The following DGKB variants were observed in gnomAD, a reference collection of about 807,000 sequenced individuals.
DGKB encodes the protein 90 kDa diacylglycerol kinase.
Under a neutral mutation model 114.3 loss-of-function variants are expected in DGKB, and 67 were observed. The observed-to-expected ratio is 0.59, with a 90% CI of 0.48 to 0.72. The LOEUF (loss-of-function observed/expected upper bound fraction) is 0.72. DGKB is among the 30% of genes least tolerant of loss of function. DGKB has a pLI of 0.00. For missense variants in DGKB, 907 were observed against 975.2 expected, an observed-to-expected ratio of 0.93 and a Z score of 0.93; for synonymous variants, 398 against 323.1, an observed-to-expected ratio of 1.23 and a Z score of -2.49.
chr7:14,865,169 T>C (rs1851529027), intron 1 of DGKB, among the ~76,000 whole-genome samples: 1 of 152,160 alleles, frequency 6.6e-6, no homozygotes, highest in Non-Finnish European at 1.5e-5. Flanking sequence ...AACAGACTTG[T>C]GTTAGGGTTA....
At chr7:14,568,709 C>T (rs1797950371) in intron 20 of DGKB, among the ~76,000 whole-genome samples, 1 of 152,130 alleles carries the variant, frequency 6.6e-6, no homozygotes, top group African/African-American at 2.4e-5. Flanking sequence ...CTGAATAATA[C>T]AAAGGGTCTA....
At chr7:14,615,940 A>G (rs1446681945) in intron 15 of DGKB, among the ~76,000 whole-genome samples, 1 of 151,538 alleles carries the variant, frequency 6.6e-6, no homozygotes, top group Non-Finnish European at 1.5e-5. Flanking sequence ...TAGTTTTCTT[A>G]GTTTCTGAAA....
chr7:14,373,423 C>T (rs529479665), intron 21 of DGKB, among the ~76,000 whole-genome samples: 1 of 152,170 alleles, frequency 6.6e-6, no homozygotes, highest in Admixed American at 6.5e-5. Context: ...CAGAAAGATG[C>T]CATCATAAAG....
intron 1 of DGKB, among the ~76,000 whole-genome samples, chr7:14,859,291 G>C (rs962461722): frequency 6.6e-6 from 1 of 152,112 alleles, no homozygotes; most frequent in Admixed American, 6.6e-5. Context: ...AAGGTAAAAA[G>C]GGAGGCAGAG....
chr7:14,335,493 A>G (rs922529776), intron 23 of DGKB, among the ~76,000 whole-genome samples: 3 of 152,158 alleles, frequency 2.0e-5, no homozygotes, highest in African/African-American at 7.2e-5. Context: ...ACAGAGGCAT[A>G]TGAGAAACAG....
chr7:14,313,920 C>A (rs1191875018), intron 23 of DGKB, among the ~76,000 whole-genome samples: 1 of 152,216 alleles, frequency 6.6e-6, no homozygotes, highest in Non-Finnish European at 1.5e-5. Flanking sequence ...TCTCCCAGTG[C>A]GCAGCCAGAG....
chr7:14,673,291 T>C (rs1447531451), intron 12 of DGKB, among the ~76,000 whole-genome samples: 1 of 152,054 alleles, frequency 6.6e-6, no homozygotes, highest in Non-Finnish European at 1.5e-5. Context: ...TACTTTAGGT[T>C]TTACACCAAA....
intron 23 of DGKB, among the ~76,000 whole-genome samples, chr7:14,217,347 G>A (rs914709498): frequency 1.3e-4 from 20 of 151,764 alleles, no homozygotes; most frequent in African/African-American, 4.4e-4. Flanking sequence ...TTGCTTCCTT[G>A]GGACGTGGGT....
chr7:14,927,450 G>A (rs1054450869), intron 1 of DGKB, among the ~76,000 whole-genome samples: 1 of 151,722 alleles, frequency 6.6e-6, no homozygotes, highest in Non-Finnish European at 1.5e-5. Flanking sequence ...TATCCATCCT[G>A]ATCTATGAGG....
intron 2 of DGKB, among the ~76,000 whole-genome samples, chr7:14,828,681 G>T (rs760829532): frequency 2.0e-5 from 3 of 152,078 alleles, no homozygotes; most frequent in Non-Finnish European, 4.4e-5. Context: ...TACTACTAGA[G>T]CTCCTATCTT....
At chr7:14,785,893 C>CTTTTT (rs367579936) in intron 2 of DGKB, among the ~76,000 whole-genome samples, 1 of 140,682 alleles carries the variant, frequency 7.1e-6, no homozygotes, top group African/African-American at 2.6e-5. Flanking sequence ...AGAAGTTTTT[C>CTTTTT]TTTTTTTTTT....
chr7:14,613,806 G>A (rs1344907900), intron 15 of DGKB, among the ~76,000 whole-genome samples: 3 of 152,034 alleles, frequency 2.0e-5, no homozygotes, highest in Non-Finnish European at 4.4e-5. Context: ...TCAACTTATA[G>A]AGAGGCCTCC....
chr7:14,671,914 T>C (rs1168186734), intron 13 of DGKB, among the ~76,000 whole-genome samples: 1 of 152,124 alleles, frequency 6.6e-6, no homozygotes, highest in Non-Finnish European at 1.5e-5. Context: ...TTATTTACCA[T>C]AGGATGTCTA....
intron 6 of DGKB, among the ~76,000 whole-genome samples, chr7:14,704,076 C>A (rs1825698774): frequency 6.6e-6 from 1 of 152,042 alleles, no homozygotes; most frequent in Admixed American, 6.6e-5. Flanking sequence ...TCTTCTCTCT[C>A]CAAAGACACC....
Position 14,580,843 on chromosome 7 carries a change from G to T in DGKB, c.1609+19C>A. ...GGTGTTGTGTACTGTTTCTGCTTTT[G>T]TTGTTGCAGCTGCTTTACCTCCTCC... On this transcript the variant is annotated intron_variant, in intron 19 of 25. Coordinates refer to ENST00000402815, the MANE Select transcript of DGKB (RefSeq NM_001350709.2). 2 of 1,571,214 alleles carry T rather than the reference G, an allele frequency of 1.3e-6. No homozygotes were observed. Among genetic ancestry groups the T allele is most frequent in the East Asian group, 2.3e-5 (1 of 44,414 alleles).
intron 1 of DGKB, among the ~76,000 whole-genome samples, chr7:14,842,907 T>G (rs539260441): frequency 6.6e-6 from 1 of 152,340 alleles, no homozygotes; most frequent in East Asian, 1.9e-4. Context: ...GCTTGTGATA[T>G]TCTTTTAATA....
intron 23 of DGKB, among the ~76,000 whole-genome samples, chr7:14,187,360 C>A (rs572757343): frequency 1.3e-5 from 2 of 152,206 alleles, no homozygotes; most frequent in Admixed American, 1.3e-4. Context: ...CCTGCACACA[C>A]CTGAGCCCAG....
intron 1 of DGKB, among the ~76,000 whole-genome samples, chr7:14,937,121 G>A (rs1353513368): frequency 6.9e-6 from 1 of 145,148 alleles, no homozygotes; most frequent in Non-Finnish European, 1.5e-5. Flanking sequence ...CATTTTTATT[G>A]TCCATGTAAT....
At chr7:14,397,281 G>C (rs1168903979) in intron 21 of DGKB, among the ~76,000 whole-genome samples, 1 of 152,126 alleles carries the variant, frequency 6.6e-6, no homozygotes, top group South Asian at 2.1e-4. Flanking sequence ...TTGTGAGTGC[G>C]CTGACCTGTG....
Sources: allele counts gnomAD v4.1 joint callset (sites outside exome capture counted in the v4.1 genomes callset), GRCh38; gene constraint gnomAD v4.1.1; transcripts MANE v1.5; gene names NCBI Gene and HGNC (gene_info 2026-07-23, HGNC 2026-07-21).